CERK: variants seen among roughly 807,000 people sequenced by gnomAD.
CERK encodes the protein ceramide kinase.
A neutral mutation model predicts 63.4 loss-of-function variants in CERK; 39 were observed. That is an observed-to-expected ratio of 0.61 (90% CI 0.48 to 0.80). The LOEUF is 0.80. CERK is among the 30% of genes least tolerant of loss of function. The pLI is 0.00. For missense variants in CERK, 670 were observed against 714.1 expected, an observed-to-expected ratio of 0.94 and a Z score of 0.70; for synonymous variants, 302 against 280.0, an observed-to-expected ratio of 1.08 and a Z score of -0.78.
chr22:46,713,680 C>A (rs1351453730), intron 3 of CERK, among the ~76,000 whole-genome samples: 1 of 151,806 alleles, frequency 6.6e-6, no homozygotes, highest in Non-Finnish European at 1.5e-5. Flanking sequence ...ATGAAATAAG[C>A]AAACTACTGG....
chr22:46,729,564 C>T (rs533116255), intron 1 of CERK, among the ~76,000 whole-genome samples: 6 of 152,100 alleles, frequency 3.9e-5, no homozygotes, highest in African/African-American at 1.4e-4. Context: ...ATGCACAACA[C>T]CCAGCCTCCA....
chr22:46,686,804 C>T lies in CERK; in HGVS notation c.*330G>A. The T allele has an allele frequency of 7.1e-6, 2 of 282,406 alleles. No homozygotes were observed. Among genetic ancestry groups the T allele is most frequent in the Admixed American group, 4.7e-5 (1 of 21,320 alleles). The allele number at this position is 282,406 out of a possible 1,614,324, so 17.5% of individuals were successfully genotyped here. On this transcript the variant is annotated 3_prime_UTR_variant, in exon 13 of 13. Coordinates refer to ENST00000216264, the MANE Select transcript of CERK (RefSeq NM_022766.6). ...GACCTGCGTGGAAATCATATAATGT[C>T]CCTAACATTATTGCAATAGAGCCAC...
At chr22:46,731,265 C>G (rs1021686105) in intron 1 of CERK, among the ~76,000 whole-genome samples, 16 of 152,266 alleles carry the variant, frequency 1.1e-4, no homozygotes, top group African/African-American at 3.1e-4. Flanking sequence ...AGGGCTTTCA[C>G]TGCCACTGAG....
rs571018057 is a variant in CERK at position 46,689,555 on chromosome 22, G to T, written c.1541+437C>A. On this transcript the variant is annotated intron_variant, in intron 12 of 12. Transcript: ENST00000216264. The stretch of plus-strand genomic sequence containing the variant: ...CCGACTAATTTTTTTTGTATTTTTA[G>T]TAGAGACGGGGTTTCACCATGTTGG... 2.8e-4 allele frequency among the ~76,000 whole-genome samples: 43 copies of T among 152,190 alleles called. No homozygotes were observed. In the South Asian group the frequency reaches 3.1e-3, roughly 11 times the overall value.
chr22:46,718,326 A>G (rs561534328), intron 3 of CERK, among the ~76,000 whole-genome samples: 9 of 152,224 alleles, frequency 5.9e-5, no homozygotes, highest in East Asian at 1.9e-4. Flanking sequence ...AAGTCTCATG[A>G]AAACAGGTTT....
At chr22:46,726,003 T>C (rs2082916261) in intron 1 of CERK, among the ~76,000 whole-genome samples, 1 of 152,268 alleles carries the variant, frequency 6.6e-6, no homozygotes, top group African/African-American at 2.4e-5. Context: ...TCAGCTTTGA[T>C]ACTAGAAGTT....
At chr22:46,702,214 AATATAT>A (rs202155838) in intron 6 of CERK, among the ~76,000 whole-genome samples, 2 of 109,142 alleles carry the variant, frequency 1.8e-5, no homozygotes, top group African/African-American at 7.2e-5. Flanking sequence ...AAGTTAAAAA[AATATAT>A]ATATGTGTGT....
chr22:46,736,860 C>T (rs991102183), intron 1 of CERK, among the ~76,000 whole-genome samples: 2 of 152,144 alleles, frequency 1.3e-5, no homozygotes, highest in African/African-American at 4.8e-5. Flanking sequence ...CTCCTGACCT[C>T]GACTGCCCAC....
intron 4 of CERK, among the ~76,000 whole-genome samples, chr22:46,711,885 C>T (rs1445443516): frequency 6.6e-6 from 1 of 152,044 alleles, no homozygotes; most frequent in Non-Finnish European, 1.5e-5. Context: ...CCCAGGGGTT[C>T]GAAACCAGCC....
At chr22:46,723,013 G>A (rs2082900268) in intron 1 of CERK, among the ~76,000 whole-genome samples, 1 of 152,202 alleles carries the variant, frequency 6.6e-6, no homozygotes. Context: ...ACTCTGGGTG[G>A]AGGGATAAGG....
chr22:46,715,054 C>T (rs1288310129), intron 3 of CERK, among the ~76,000 whole-genome samples: 1 of 151,582 alleles, frequency 6.6e-6, no homozygotes, highest in African/African-American at 2.4e-5. Flanking sequence ...ATTAAATACC[C>T]ATTCTCCACT....
rs368035811 is a variant in CERK, at chr22:46,725,977, C to T, written c.143-4962G>A. Among the ~76,000 whole-genome samples the T allele has an allele frequency of 2.0e-5, 3 of 152,370 alleles. No individual in the cohort carries two copies. In the East Asian group the frequency reaches 5.8e-4, roughly 29 times the overall value. On this transcript the variant is annotated intron_variant, in intron 1 of 12. Coordinates refer to ENST00000216264, the MANE Select transcript of CERK (RefSeq NM_022766.6). ...CATGCTTGTGACTTACAGATGAAAA[C>T]AGTGCCTGCTGTCAATCAGCTTTGA... is the stretch of plus-strand genomic sequence containing the variant.
At chr22:46,726,957 G>A (rs749021585) in intron 1 of CERK, among the ~76,000 whole-genome samples, 3 of 152,162 alleles carry the variant, frequency 2.0e-5, no homozygotes, top group Non-Finnish European at 4.4e-5. Context: ...ACAGGGATGC[G>A]CCCAAGTTTC....
At chr22:46,736,791 C>T (rs1238874444) in intron 1 of CERK, among the ~76,000 whole-genome samples, 2 of 152,136 alleles carry the variant, frequency 1.3e-5, no homozygotes, top group Non-Finnish European at 2.9e-5. Context: ...CAACTCTGTC[C>T]CCACCAGAAC....
chr22:46,702,177 C>CA (rs135690), intron 6 of CERK, among the ~76,000 whole-genome samples: 57,439 of 83,770 alleles, frequency 0.69, 19,051 homozygotes, highest in Non-Finnish European at 0.74. Flanking sequence ...GACTTCGTCT[C>CA]AAAAAAAAAA....
chr22:46,698,007 G>A (rs2082764668), intron 8 of CERK, among the ~76,000 whole-genome samples: 1 of 152,232 alleles, frequency 6.6e-6, no homozygotes, highest in Non-Finnish European at 1.5e-5. Flanking sequence ...GGAGCCTGGA[G>A]GACCTGCATG....
intron 1 of CERK, among the ~76,000 whole-genome samples, chr22:46,727,837 C>T (rs921272023): frequency 6.6e-6 from 1 of 152,004 alleles, no homozygotes; most frequent in Non-Finnish European, 1.5e-5. Flanking sequence ...AGCCACCCCC[C>T]CCGGCCCTGC....
rs1239526109 is a variant in CERK at position 46,714,237 on chromosome 22, C to T, written c.380-1944G>A. Among the ~76,000 whole-genome samples the T allele has an allele frequency of 6.6e-6, 1 of 152,180 alleles. No homozygotes were observed. Among genetic ancestry groups the T allele is most frequent in the Non-Finnish European group, 1.5e-5 (1 of 68,042 alleles). ...AGTGAGCCAAGATCGCGCCATTGCA[C>T]TCCAGCCTGGGTGACAGAGTAAGAC... On this transcript the variant is annotated intron_variant, in intron 3 of 12. Transcript: ENST00000216264. The surrounding 1 kb of genome is among the most constrained non-coding windows in gnomAD (Gnocchi z 4.4).
At chr22:46,694,332 A>G (rs917385113) in intron 9 of CERK, among the ~76,000 whole-genome samples, 12 of 152,062 alleles carry the variant, frequency 7.9e-5, no homozygotes, top group African/African-American at 2.7e-4. Context: ...TTAAGGTTCT[A>G]TTTACACTGG....
Sources: allele counts gnomAD v4.1 joint callset (sites outside exome capture counted in the v4.1 genomes callset), GRCh38; gene constraint gnomAD v4.1.1; non-coding constraint Gnocchi (gnomAD v3.1); transcripts MANE v1.5; gene names NCBI Gene and HGNC (gene_info 2026-07-23, HGNC 2026-07-21).